Variants in FBXO11 observed in about 807,000 individuals in gnomAD.
The protein encoded by FBXO11 is F-box only protein 11.
Under a neutral mutation model 117.0 loss-of-function variants are expected in FBXO11, and 13 were observed. The ratio of observed to expected loss-of-function variants is 0.11; its 90% confidence interval spans 0.07 to 0.18. The LOEUF is 0.18. FBXO11 is among the 10% of genes least tolerant of loss of function. The pLI is 1.00. For synonymous variants in FBXO11, 490 were observed against 380.5 expected (o/e 1.29, Z -3.35); for missense variants, 767 against 1,164.4 (o/e 0.66, Z 4.97).
chr2:47,861,415 C>T (rs1366491326), intron 1 of FBXO11, among the ~76,000 whole-genome samples: 1 of 150,690 alleles, frequency 6.6e-6, no homozygotes, highest in Admixed American at 6.6e-5. Context: ...ATCTCCTGGG[C>T]TCAAGTGATC....
intron 1 of FBXO11, among the ~76,000 whole-genome samples, chr2:47,852,347 A>C (rs75561141): frequency 1.2e-3 from 187 of 152,208 alleles, no homozygotes; most frequent in Admixed American, 4.6e-3. Flanking sequence ...AAAAGGATGG[A>C]GAGGGGGCTC....
chr2:47,816,230 A>AG (rs371983758), intron 16 of FBXO11, among the ~76,000 whole-genome samples: 40 of 152,228 alleles, frequency 2.6e-4, no homozygotes, highest in African/African-American at 9.1e-4. Flanking sequence ...TCCAGGCTGG[A>AG]GCACAGTGGT....
At chr2:47,816,461 CT>C (rs1671016433) in intron 16 of FBXO11, among the ~76,000 whole-genome samples, 1 of 152,108 alleles carries the variant, frequency 6.6e-6, no homozygotes, top group Non-Finnish European at 1.5e-5. Flanking sequence ...GATTACAGCA[CT>C]TTTTCAGATC....
At chr2:47,889,171 T>C (rs1489122362) in intron 1 of FBXO11, among the ~76,000 whole-genome samples, 1 of 152,202 alleles carries the variant, frequency 6.6e-6, no homozygotes. Flanking sequence ...AACACCAATA[T>C]GACTGCTTCA....
At position 47,838,918 on chromosome 2, in the gene FBXO11, A is replaced by G; in HGVS notation, c.528T>C (p.Leu176=). The change falls in exon 4 of 23, where the codon CTT becomes CTC. Residue 176 remains leucine, a synonymous_variant. Coordinates refer to ENST00000403359, the MANE Select transcript of FBXO11 (RefSeq NM_001190274.2). ...GTTTACATACACAAGCTGCTCTACA[A>G]AGATCCTGTTCCAGCAAGTAAGAGA... ...KIFSYLLEQD[L]CRAACVCKRF... The G allele has an allele frequency of 1.9e-6, 3 of 1,614,104 alleles. No individual in the cohort carries two copies. In the South Asian group the frequency reaches 3.3e-5, roughly 18 times the overall value.
At chr2:47,840,855 A>T (rs970219035) in intron 1 of FBXO11, among the ~76,000 whole-genome samples, 253 of 126,502 alleles carry the variant, frequency 2.0e-3, no homozygotes, top group Non-Finnish European at 3.7e-3. Flanking sequence ...TTAAAAATTA[A>T]AAAAAAAAAA....
intron 1 of FBXO11, among the ~76,000 whole-genome samples, chr2:47,893,679 C>T (rs530238500): frequency 9.0e-4 from 137 of 152,260 alleles, no homozygotes; most frequent in African/African-American, 3.1e-3. Context: ...TCAAACCTTG[C>T]TGATTTATAT....
chr2:47,879,720 T>C (rs1335648293), intron 1 of FBXO11, among the ~76,000 whole-genome samples: 1 of 152,220 alleles, frequency 6.6e-6, no homozygotes, highest in Non-Finnish European at 1.5e-5. Context: ...TGGCTGCAAA[T>C]AAGTTTTACC....
chr2:47,892,043 A>T (rs1288767240), intron 1 of FBXO11, among the ~76,000 whole-genome samples: 2 of 152,158 alleles, frequency 1.3e-5, no homozygotes, highest in Admixed American at 6.5e-5. Flanking sequence ...ATGGTTTGCA[A>T]ATATTTTCTC....
chr2:47,829,055 G>C lies in FBXO11; in HGVS notation c.1398+3294C>G, dbSNP rs114917326. On this transcript the variant is annotated intron_variant, in intron 11 of 22. Transcript: ENST00000403359. ...TCATGCCTCAACCTCCTGAGAGGCTGGGATTACAGGCACACGCCACCACGA... is the reference window on the plus strand; with the variant it reads ...TCATGCCTCAACCTCCTGAGAGGCTCGGATTACAGGCACACGCCACCACGA... 3.0e-3 allele frequency among the ~76,000 whole-genome samples: 452 copies of C among 151,852 alleles called. 1 individual carries two copies. Among genetic ancestry groups the C allele is most frequent in the African/African-American group, 0.011 (445 of 41,408 alleles).
chr2:47,844,378 C>T (rs985204453), intron 1 of FBXO11, among the ~76,000 whole-genome samples: 1 of 152,178 alleles, frequency 6.6e-6, no homozygotes, highest in African/African-American at 2.4e-5. Context: ...ATTTCAGGCT[C>T]TAGGCCACAT....
At position 47,820,471 on chromosome 2, in the gene FBXO11, A is replaced by G; in HGVS notation, c.1703-15T>C. The G allele has an allele frequency of 3.1e-6, 5 of 1,593,270 alleles. No homozygotes were observed. The highest frequency in any genetic ancestry group is 4.3e-6 in the Non-Finnish European group (5 of 1,162,032). On this transcript the variant is annotated splice_polypyrimidine_tract_variant and intron_variant, in intron 13 of 22. Transcript: ENST00000403359. ...TAATGCATTGCCTATTTAAAAATAA[A>G]AGTTACAAGGTCAACATTTGTGAGC...
Position 47,885,883 on chromosome 2 carries a change from C to G in FBXO11, c.232+19606G>C, listed in dbSNP as rs181996870. Among the ~76,000 whole-genome samples the G allele has an allele frequency of 2.0e-5, 3 of 152,206 alleles. No homozygotes were observed. In the South Asian group the frequency reaches 6.2e-4, roughly 31 times the overall value. On this transcript the variant is annotated intron_variant, in intron 1 of 22. Transcript: ENST00000403359. ...CTCCTTTCCTCTATCTGTGGATACT[C>G]ATTCCTCAAGGTATAGTTTAAGTAC...
At chr2:47,842,023 T>TA (rs1269984658) in intron 1 of FBXO11, among the ~76,000 whole-genome samples, 1 of 148,884 alleles carries the variant, frequency 6.7e-6, no homozygotes, top group Admixed American at 6.7e-5. Flanking sequence ...TTATTTTTAT[T>TA]TTTTTTTTTT....
chr2:47,871,563 T>TTCTGACGA (rs1382074428), intron 1 of FBXO11, among the ~76,000 whole-genome samples: 2 of 152,224 alleles, frequency 1.3e-5, no homozygotes, highest in African/African-American at 2.4e-5. Flanking sequence ...TTTACATTTT[T>TTCTGACGA]TCTGACGACT....
At chr2:47,850,363 T>G (rs538138544) in intron 1 of FBXO11, among the ~76,000 whole-genome samples, 1 of 152,284 alleles carries the variant, frequency 6.6e-6, no homozygotes, top group East Asian at 1.9e-4. Flanking sequence ...TATGTAGATC[T>G]CAAGCATTAG....
intron 16 of FBXO11, among the ~76,000 whole-genome samples, chr2:47,817,640 C>G (rs1242214642): frequency 6.6e-6 from 1 of 152,212 alleles, no homozygotes; most frequent in Admixed American, 6.5e-5. Context: ...CTCCTCCTTT[C>G]ACTTCAATAC....
intron 1 of FBXO11, chr2:47,905,141 A>T (rs897938701): frequency 5.7e-6 from 1 of 176,280 alleles, no homozygotes; most frequent in Non-Finnish European, 1.2e-5. Flanking sequence ...AAAAGGGAGA[A>T]ATCACGCCGC....
In FBXO11 at chr2:47,815,264, C is replaced by T. The variant is rs576478304; in HGVS notation, c.2007-1397G>A. Among the ~76,000 whole-genome samples, 38 of 152,294 alleles carry T rather than the reference C, an allele frequency of 2.5e-4. No individual in the cohort carries two copies. The South Asian group carries it at 6.8e-3, about 27-fold the overall frequency. ...CTGGCCTAACGGTGATGGACAGAGT[C>T]GGGAAACCCAGCAAAGCCGCTCTGT... is the stretch of plus-strand genomic sequence containing the variant. On this transcript the variant is annotated intron_variant, in intron 16 of 22. Coordinates refer to ENST00000403359, the MANE Select transcript of FBXO11 (RefSeq NM_001190274.2).
Sources: allele counts gnomAD v4.1 joint callset (sites outside exome capture counted in the v4.1 genomes callset), GRCh38; gene constraint gnomAD v4.1.1; transcripts MANE v1.5; gene names NCBI Gene and HGNC (gene_info 2026-07-23, HGNC 2026-07-21).